ATP10D: variants seen among roughly 807,000 people sequenced by gnomAD.
The protein encoded by ATP10D is phospholipid-transporting ATPase VD.
In ATP10D, 89 loss-of-function variants were observed where a neutral mutation model predicts 144.8. The observed-to-expected ratio is 0.61, with a 90% CI of 0.52 to 0.73. The LOEUF (loss-of-function observed/expected upper bound fraction) is 0.73. Ranked by LOEUF, ATP10D falls within the 30% of genes least tolerant of loss-of-function variation. ATP10D has a pLI of 0.00. For missense variants in ATP10D, 1,603 were observed against 1,714.8 expected, an observed-to-expected ratio of 0.93 and a Z score of 1.15; for synonymous variants, 571 against 615.1, an observed-to-expected ratio of 0.93 and a Z score of 1.06.
At position 47,536,719 on chromosome 4, in the gene ATP10D, G is replaced by A. The variant is rs754586853; in HGVS notation, c.1177G>A (p.Glu393Lys). Reference sequence around the variant, plus strand: ...TCCTATTTCTCTCTATGTTTCCATCGAAATTGTGAAGCTTGGACAAATATA... The same window carrying A: ...TCCTATTTCTCTCTATGTTTCCATCAAAATTGTGAAGCTTGGACAAATATA... ...LIPISLYVSI[E>K]IVKLGQIYFI... The change falls in exon 9 of 23, where the codon GAA becomes AAA. Residue 393 changes from glutamate (E) to lysine (K), a missense_variant. Physicochemically the swap from Glu to Lys is moderately conservative, Grantham distance 56. Transcript: ENST00000273859. The A allele has an allele frequency of 2.4e-5, 38 of 1,611,490 alleles. No individual in the cohort carries two copies. The highest frequency in any genetic ancestry group is 1.6e-4 in the Middle Eastern group (1 of 6,062).
chr4:47,515,760 G>C, intron 3 of ATP10D, 90 bp downstream of exon 3: 4 of 1,052,996 alleles, frequency 3.8e-6, no homozygotes, highest in Non-Finnish European at 4.1e-6. Context: ...GTGTGACCAG[G>C]ACCCTTTTGT....
chr4:47,566,123 A>G lies in ATP10D; in HGVS notation c.2853+2358A>G, dbSNP rs115841439. On this transcript the variant is annotated intron_variant, in intron 15 of 22. Transcript: ENST00000273859. ...GTCACTTAGTGAAGGAATTGCTCCTATAACATTCTAAGCAGGCAATGTGGC... is the reference window on the plus strand; with the variant it reads ...GTCACTTAGTGAAGGAATTGCTCCTGTAACATTCTAAGCAGGCAATGTGGC... Among the ~76,000 whole-genome samples the G allele has an allele frequency of 5.9e-3, 894 of 152,318 alleles. 10 individuals carry two copies. Among genetic ancestry groups the G allele is most frequent in the African/African-American group, 0.02 (843 of 41,568 alleles).
At chr4:47,572,077 G>T (rs1719979712) in intron 16 of ATP10D, 77 bp from the exon 17 acceptor site, 3 of 1,263,846 alleles carry the variant, frequency 2.4e-6, no homozygotes, top group Non-Finnish European at 3.5e-6. Context: ...CACTTGAGCT[G>T]CCCCTATTGA....
chr4:47,581,290 T>C (rs528370037), intron 20 of ATP10D, among the ~76,000 whole-genome samples: 4 of 152,154 alleles, frequency 2.6e-5, no homozygotes, highest in African/African-American at 9.7e-5. Context: ...CAAAGAAGCA[T>C]TGTATAGCTG....
At chr4:47,491,711 C>T (rs1715091338) in intron 1 of ATP10D, among the ~76,000 whole-genome samples, 1 of 152,122 alleles carries the variant, frequency 6.6e-6, no homozygotes, top group Non-Finnish European at 1.5e-5. Flanking sequence ...CAGTCTCCAC[C>T]CTCCTTGCCT....
At chr4:47,572,761 C>A in intron 17 of ATP10D, 111 bp from the exon 18 acceptor site, 3 of 1,350,844 alleles carry the variant, frequency 2.2e-6, no homozygotes, top group Admixed American at 2.1e-5. Context: ...GGAACAAATG[C>A]GGTCAGAAGA....
rs766571887 is a variant in ATP10D at position 47,563,568 on chromosome 4, G to C, written c.2669-13G>C. ...TTTCTTACAAGTCCTATTGCACTTTGGTTATTTTTTAGGTGCTACTGGCAT... is the reference window on the plus strand; with the variant it reads ...TTTCTTACAAGTCCTATTGCACTTTCGTTATTTTTTAGGTGCTACTGGCAT... On this transcript the variant is annotated splice_polypyrimidine_tract_variant and intron_variant, in intron 14 of 22. Transcript: ENST00000273859. 14 of 1,594,710 alleles carry C rather than the reference G, an allele frequency of 8.8e-6. No individual in the cohort carries two copies. Among genetic ancestry groups the C allele is most frequent in the Admixed American group, 1.8e-5 (1 of 55,628 alleles).
At position 47,557,770 on chromosome 4, in the gene ATP10D, G is replaced by A. The variant is rs1719056958; in HGVS notation, c.1931G>A (p.Ser644Asn). ...AGATCAAGTTCTCCATCGCTTAACA[G>A]TGGGAAAGAGCCATCTTCTGGAGTT... ...VRRSSSPSLN[S>N]GKEPSSGVPN... Residue 644 changes from serine to asparagine, a missense_variant, in exon 12 of 23, where the codon AGT becomes AAT. Coordinates refer to ENST00000273859, the MANE Select transcript of ATP10D (RefSeq NM_020453.4). The A allele has an allele frequency of 6.2e-7, 1 of 1,614,234 alleles. No homozygotes were observed.
Position 47,485,380 on chromosome 4 carries a change from G to T in ATP10D, c.-177G>T, listed in dbSNP as rs1370987644. 2.0e-5 allele frequency: 3 copies of T among 146,854 alleles called. No individual in the cohort carries two copies. Among genetic ancestry groups the T allele is most frequent in the African/African-American group, 7.4e-5 (3 of 40,734 alleles). The allele number at this position is 146,854 out of a possible 1,614,324, so 9.1% of individuals were successfully genotyped here. ...AGCTGAGTTTGGGAGATGTCTAAGT[G>T]ATTTTTTTTTTTTCCCGGAAGGCAA... On this transcript the variant is annotated 5_prime_UTR_variant, in exon 1 of 23. It removes the in-frame stop codon of an upstream open reading frame in the 5' UTR. Transcript: ENST00000273859.
chr4:47,572,608 AGAAG>A (rs1207367927), intron 17 of ATP10D, among the ~76,000 whole-genome samples: 3 of 150,270 alleles, frequency 2.0e-5, no homozygotes, highest in Admixed American at 1.3e-4. Context: ...AAATGAGAGG[AGAAG>A]GAAGGAAGTG....
intron 10 of ATP10D, chr4:47,547,652 G>A (rs919138999): frequency 4.2e-5 from 6 of 142,318 alleles, no homozygotes; most frequent in African/African-American, 1.6e-4. Context: ...TACAAAATAG[G>A]TGACAACAAG....
At chr4:47,514,398 A>G (rs1465728281) in intron 2 of ATP10D, among the ~76,000 whole-genome samples, 1 of 152,228 alleles carries the variant, frequency 6.6e-6, no homozygotes, top group African/African-American at 2.4e-5. Flanking sequence ...GAAAGAATTG[A>G]AGCCACAGAG....
At chr4:47,541,475 G>A (rs1299728729) in intron 9 of ATP10D, among the ~76,000 whole-genome samples, 2 of 152,140 alleles carry the variant, frequency 1.3e-5, no homozygotes, top group African/African-American at 4.8e-5. Context: ...GAATTGTATG[G>A]GGAATTTGTT....
rs755400903 is a variant in ATP10D, at chr4:47,558,246, A to G, written c.2407A>G (p.Met803Val). Residue 803 changes from methionine to valine, a missense_variant, in exon 12 of 23, where the codon ATG (methionine) becomes GTG (valine). Physicochemically the swap from Met to Val is conservative, Grantham distance 21 (BLOSUM62 1). Coordinates refer to ENST00000273859, the MANE Select transcript of ATP10D (RefSeq NM_020453.4). ...VYTKGADSVI[M>V]ELLSVASPDG... Reference sequence around the variant, plus strand: ...TACGAAAGGCGCTGATTCTGTGATCATGGAGTTACTGTCGGTGGCTTCCCC... The same window carrying G: ...TACGAAAGGCGCTGATTCTGTGATCGTGGAGTTACTGTCGGTGGCTTCCCC... 2.5e-6 allele frequency: 4 copies of G among 1,613,516 alleles called. No individual in the cohort carries two copies. Among genetic ancestry groups the G allele is most frequent in the South Asian group, 2.2e-5 (2 of 91,072 alleles).
chr4:47,528,073 G>A (rs1298917798), intron 5 of ATP10D, among the ~76,000 whole-genome samples: 2 of 152,138 alleles, frequency 1.3e-5, no homozygotes, highest in Non-Finnish European at 2.9e-5. Context: ...GGAAGGAAAT[G>A]TAGAATATAA....
intron 10 of ATP10D, among the ~76,000 whole-genome samples, chr4:47,551,785 A>G (rs911841411): frequency 1.3e-5 from 2 of 152,198 alleles, no homozygotes; most frequent in African/African-American, 4.8e-5. Flanking sequence ...CTGACAAGAG[A>G]GCAAAAGCTA....
At chr4:47,490,859 C>T in intron 1 of ATP10D, 2 of 373,376 alleles carry the variant, frequency 5.4e-6, no homozygotes, top group East Asian at 6.3e-5. Context: ...GCACATTATT[C>T]AGGTTTTCCA....
intron 3 of ATP10D, among the ~76,000 whole-genome samples, chr4:47,517,055 A>G (rs531420113): frequency 6.6e-6 from 1 of 152,360 alleles, no homozygotes; most frequent in East Asian, 1.9e-4. Flanking sequence ...TACCCAGTGA[A>G]TGTCAAATTT....
intron 5 of ATP10D, among the ~76,000 whole-genome samples, chr4:47,532,921 A>G (rs1717644015): frequency 1.3e-5 from 2 of 152,282 alleles, no homozygotes; most frequent in South Asian, 4.1e-4. Context: ...TAGATGTTTC[A>G]TGGAAGCTGT....
Sources: allele counts gnomAD v4.1 joint callset (sites outside exome capture counted in the v4.1 genomes callset), GRCh38; gene constraint gnomAD v4.1.1; transcripts MANE v1.5; gene names NCBI Gene and HGNC (gene_info 2026-07-23, HGNC 2026-07-21).